Variants in BBX observed in about 807,000 individuals in gnomAD.
The protein encoded by BBX is HMG box transcription factor BBX.
A neutral mutation model predicts 100.2 loss-of-function variants in BBX; 30 were observed. That is an observed-to-expected ratio of 0.30 (90% CI 0.22 to 0.41). BBX has a LOEUF of 0.41. Among genes scored for constraint, BBX ranks in the 10% least tolerant of loss-of-function variants. The probability of loss-of-function intolerance (pLI) is 1.00; values close to 1 mark genes in which losing one functional copy is unlikely to be tolerated. For missense variants in BBX, 1,023 were observed against 1,129.8 expected, an observed-to-expected ratio of 0.91 and a Z score of 1.35; for synonymous variants, 376 against 388.1, an observed-to-expected ratio of 0.97 and a Z score of 0.37.
intron 13 of BBX, among the ~76,000 whole-genome samples, chr3:107,788,369 A>G (rs2068648401): frequency 6.6e-6 from 1 of 152,228 alleles, no homozygotes; most frequent in South Asian, 2.1e-4. Context: ...CAGAAGCTAC[A>G]GGAACAGCCT....
intron 2 of BBX, among the ~76,000 whole-genome samples, chr3:107,633,146 A>G (rs1447100853): frequency 2.6e-5 from 4 of 152,088 alleles, no homozygotes; most frequent in Admixed American, 6.5e-5. Context: ...ATAAGTTACT[A>G]TAATAATTTT....
At chr3:107,648,055 G>C (rs1255734703) in intron 3 of BBX, among the ~76,000 whole-genome samples, 1 of 152,074 alleles carries the variant, frequency 6.6e-6, no homozygotes, top group East Asian at 1.9e-4. Flanking sequence ...GACTGATAGG[G>C]AGAAACAGTA....
intron 10 of BBX, among the ~76,000 whole-genome samples, chr3:107,765,886 G>T (rs577467349): frequency 6.6e-6 from 1 of 152,164 alleles, no homozygotes; most frequent in Non-Finnish European, 1.5e-5. Context: ...TTATGGAAAT[G>T]CCTAATATGC....
chr3:107,524,818 G>A (rs2047633936), intron 1 of BBX, among the ~76,000 whole-genome samples: 1 of 116,194 alleles, frequency 8.6e-6, no homozygotes, highest in African/African-American at 3.4e-5. Context: ...GGGGGGCGAA[G>A]GGGAAGGTGG....
intron 16 of BBX, 44 bp from the exon 17 acceptor site, chr3:107,801,051 A>G (rs2070399322): frequency 6.3e-7 from 1 of 1,578,878 alleles, no homozygotes; most frequent in Admixed American, 1.7e-5. Flanking sequence ...TTCTCTGGAG[A>G]GAACAGAGTG....
chr3:107,742,449 G>A (rs1188191985), intron 7 of BBX, among the ~76,000 whole-genome samples: 2 of 151,586 alleles, frequency 1.3e-5, no homozygotes, highest in Non-Finnish European at 2.9e-5. Flanking sequence ...TCCTAATTTT[G>A]TGCTGTTTCC....
At chr3:107,793,399 T>C (rs1475364867) in intron 15 of BBX, among the ~76,000 whole-genome samples, 2 of 152,160 alleles carry the variant, frequency 1.3e-5, no homozygotes, top group East Asian at 3.9e-4. Flanking sequence ...TAGTGTAGAG[T>C]ACAAACTCAT....
chr3:107,738,305 T>C (rs1477660324), intron 7 of BBX, among the ~76,000 whole-genome samples: 1 of 152,168 alleles, frequency 6.6e-6, no homozygotes, highest in Non-Finnish European at 1.5e-5. Flanking sequence ...TATATGTAAG[T>C]ATTGTCTCTA....
rs1002097013 is a variant in BBX at position 107,806,010 on chromosome 3, A to G, written c.*553A>G. 2.0e-5 allele frequency: 3 copies of G among 152,230 alleles called. No homozygotes were observed. The highest frequency in any genetic ancestry group is 7.2e-5 in the African/African-American group (3 of 41,404). The allele number at this position is 152,230 out of a possible 1,614,324, so 9.4% of individuals were successfully genotyped here. A position where few individuals can be genotyped will look rare whatever the true frequency, so the allele number is the denominator to read the frequency against. ...AAAAAGCCTGTTCCAGAGACTCCCA[A>G]GCAGCCTGGGCAGGCAGATGTACCA... On this transcript the variant is annotated 3_prime_UTR_variant, in exon 18 of 18. Coordinates refer to ENST00000325805, the MANE Select transcript of BBX (RefSeq NM_001142568.3).
At chr3:107,706,635 C>G (rs2061414003) in intron 3 of BBX, among the ~76,000 whole-genome samples, 1 of 152,146 alleles carries the variant, frequency 6.6e-6, no homozygotes, top group African/African-American at 2.4e-5. Context: ...AGAATAACGT[C>G]TTTTGAATAA....
chr3:107,534,363 G>A (rs1576200940), intron 2 of BBX, among the ~76,000 whole-genome samples: 1 of 152,316 alleles, frequency 6.6e-6, no homozygotes, highest in South Asian at 2.1e-4. Context: ...GGAACAAAAT[G>A]AGAAAATAAT....
intron 11 of BBX, among the ~76,000 whole-genome samples, chr3:107,774,395 T>C (rs2067154670): frequency 6.6e-6 from 1 of 152,160 alleles, no homozygotes; most frequent in Non-Finnish European, 1.5e-5. Flanking sequence ...GAAATTAGAC[T>C]GAATAGTGCC....
chr3:107,597,884 G>A (rs1168214794), intron 2 of BBX, among the ~76,000 whole-genome samples: 3 of 152,076 alleles, frequency 2.0e-5, no homozygotes, highest in Admixed American at 6.6e-5. Flanking sequence ...CCTACCCCAA[G>A]CAATGCCCCA....
At chr3:107,688,069 A>G (rs2059949737) in intron 3 of BBX, among the ~76,000 whole-genome samples, 1 of 152,152 alleles carries the variant, frequency 6.6e-6, no homozygotes, top group Non-Finnish European at 1.5e-5. Context: ...AAAAGAAGAA[A>G]AATACAAAAT....
Position 107,716,328 on chromosome 3 carries a change from G to A in BBX, c.163-279G>A, listed in dbSNP as rs374797127. On this transcript the variant is annotated intron_variant, in intron 4 of 17. Transcript: ENST00000325805. ...TTGTCCTCAAAGAGCTCACTGTTTA[G>A]TGAGAGAGAAAAAAATGTAAGCAAT... 10 of 325,022 alleles carry A rather than the reference G, an allele frequency of 3.1e-5. No homozygotes were observed. In the South Asian group the frequency reaches 4.4e-4, roughly 14 times the overall value. The allele number at this position is 325,022 out of a possible 1,614,324, so 20.1% of individuals were successfully genotyped here.
chr3:107,603,164 C>T (rs1021531453), intron 2 of BBX, among the ~76,000 whole-genome samples: 4 of 151,894 alleles, frequency 2.6e-5, no homozygotes, highest in Non-Finnish European at 5.9e-5. Context: ...CGGGGTTTCA[C>T]CCTGTTGGCC....
chr3:107,533,528 G>T (rs184399735), intron 2 of BBX, among the ~76,000 whole-genome samples: 1 of 152,316 alleles, frequency 6.6e-6, no homozygotes, highest in East Asian at 1.9e-4. Context: ...GACATCATTT[G>T]TACCATCTAA....
rs2067797938 is a variant in BBX at position 107,780,774 on chromosome 3, A to G, written c.2203+2255A>G. On this transcript the variant is annotated intron_variant, in intron 13 of 17. Coordinates refer to ENST00000325805, the MANE Select transcript of BBX (RefSeq NM_001142568.3). Reference sequence around the variant, plus strand: ...GCACCAATATACTAGACTACAAGTTATTATTAATGAAATTATCATACCAGC... The same window carrying G: ...GCACCAATATACTAGACTACAAGTTGTTATTAATGAAATTATCATACCAGC... Among the ~76,000 whole-genome samples, 4 of 152,198 alleles carry G rather than the reference A, an allele frequency of 2.6e-5. No individual in the cohort carries two copies. The South Asian group carries it at 8.3e-4, about 32-fold the overall frequency.
intron 2 of BBX, among the ~76,000 whole-genome samples, chr3:107,631,257 A>G (rs1048692999): frequency 2.0e-5 from 3 of 152,206 alleles, no homozygotes; most frequent in African/African-American, 7.2e-5. Context: ...TCCTAGGCAC[A>G]TCTGACTATA....
Sources: allele counts gnomAD v4.1 joint callset (sites outside exome capture counted in the v4.1 genomes callset), GRCh38; gene constraint gnomAD v4.1.1; transcripts MANE v1.5; gene names NCBI Gene and HGNC (gene_info 2026-07-23, HGNC 2026-07-21).